GRIN2A: variants seen among roughly 807,000 people sequenced by gnomAD.
GRIN2A encodes glutamate receptor ionotropic, NMDA 2A.
GRIN2A carries 22 observed loss-of-function variants against 113.4 expected under a neutral mutation model. That is an observed-to-expected ratio of 0.19 (90% CI 0.14 to 0.28). GRIN2A has a LOEUF of 0.28. Among genes scored for constraint, GRIN2A ranks in the 10% least tolerant of loss-of-function variants. GRIN2A has a pLI of 1.00. For missense variants in GRIN2A, 1,502 were observed against 1,887.0 expected (o/e 0.80, Z 3.78); for synonymous variants, 827 against 738.4 (o/e 1.12, Z -1.94).
intron 2 of GRIN2A, among the ~76,000 whole-genome samples, chr16:10,068,608 C>CA (rs2047693261): frequency 6.6e-6 from 1 of 152,260 alleles, no homozygotes; most frequent in Non-Finnish European, 1.5e-5. Context: ...CACCAGGCCC[C>CA]ACCTCCAACA....
intron 2 of GRIN2A, among the ~76,000 whole-genome samples, chr16:10,019,718 G>C (rs768760414): frequency 1.3e-5 from 2 of 152,184 alleles, no homozygotes; most frequent in Non-Finnish European, 2.9e-5. Flanking sequence ...CGAGGGTTCA[G>C]GACTACCGGA....
At chr16:9,894,816 T>C (rs2043770823) in intron 3 of GRIN2A, among the ~76,000 whole-genome samples, 2 of 152,150 alleles carry the variant, frequency 1.3e-5, no homozygotes, top group South Asian at 4.1e-4. Context: ...AATCCACCCA[T>C]CCATACATTC....
At chr16:10,094,608 C>G (rs759538629) in intron 2 of GRIN2A, among the ~76,000 whole-genome samples, 1 of 152,046 alleles carries the variant, frequency 6.6e-6, no homozygotes, top group Non-Finnish European at 1.5e-5. Flanking sequence ...CACCACAATG[C>G]CTGGCTGATT....
Position 10,180,211 on chromosome 16 carries a change from C to T in GRIN2A, c.201G>A (p.Val67=). The T allele has an allele frequency of 6.2e-7, 1 of 1,614,164 alleles. No individual in the cohort carries two copies. The highest frequency in any genetic ancestry group is 8.5e-7 in the Non-Finnish European group (1 of 1,180,040). The change falls in exon 2 of 13, where the codon GTG becomes GTA. Residue 67 remains valine (V), a synonymous_variant. Transcript: ENST00000330684. This position sits in a 1 kb window ranked among gnomAD's most constrained non-coding sequence, Gnocchi z 7.0. ...PEQAAGLPLD[V]NVVALLMNRT... ...GGTTCATCAGCAGAGCTACCACGTT[C>T]ACGTCCAGGGGCAGCCCCGCCGCCT... is the stretch of plus-strand genomic sequence containing the variant.
intron 9 of GRIN2A, among the ~76,000 whole-genome samples, chr16:9,823,626 T>C (rs933921340): frequency 9.9e-5 from 15 of 152,202 alleles, no homozygotes; most frequent in African/African-American, 2.9e-4. Context: ...TCCAGCACTA[T>C]GCCAAGAACT....
chr16:9,831,885 T>A (rs1000322410), intron 8 of GRIN2A, among the ~76,000 whole-genome samples: 1 of 151,974 alleles, frequency 6.6e-6, no homozygotes, highest in African/African-American at 2.4e-5. Context: ...TCTGATTTCA[T>A]CTTATACTAT....
chr16:9,954,075 A>T (rs4782090), intron 2 of GRIN2A, among the ~76,000 whole-genome samples: 138,040 of 152,250 alleles, frequency 0.91, 63,187 homozygotes, highest in African/African-American at 0.98. Flanking sequence ...ATGTCCTCTA[A>T]GTCAATCCTT....
At chr16:10,172,295 G>A (rs907656288) in intron 2 of GRIN2A, among the ~76,000 whole-genome samples, 8 of 152,240 alleles carry the variant, frequency 5.3e-5, no homozygotes, top group African/African-American at 1.9e-4. Context: ...CATCATGGCT[G>A]CCTGGAGTAC....
chr16:10,023,684 G>A (rs1004548896), intron 2 of GRIN2A, among the ~76,000 whole-genome samples: 9 of 152,182 alleles, frequency 5.9e-5, no homozygotes, highest in African/African-American at 4.8e-5. Context: ...TTTTCAGTGC[G>A]TGTCGCTATA....
intron 10 of GRIN2A, among the ~76,000 whole-genome samples, chr16:9,812,674 CAATAA>C (rs2042109162): frequency 1.3e-5 from 2 of 151,862 alleles, no homozygotes; most frequent in Admixed American, 6.6e-5. Context: ...AAGAAATAAA[CAATAA>C]AATAAATAAA....
intron 10 of GRIN2A, among the ~76,000 whole-genome samples, chr16:9,817,748 AG>A (rs1347349171): frequency 6.6e-6 from 1 of 152,216 alleles, no homozygotes; most frequent in Non-Finnish European, 1.5e-5. Flanking sequence ...GGACTCTCCC[AG>A]AAAATTACAA....
intron 2 of GRIN2A, among the ~76,000 whole-genome samples, chr16:10,119,553 T>G (rs1040930103): frequency 1.3e-5 from 2 of 152,140 alleles, no homozygotes; most frequent in African/African-American, 4.8e-5. Context: ...AGCCCCGTGG[T>G]TCTCAACAGG....
At chr16:10,053,323 A>C (rs936397430) in intron 2 of GRIN2A, among the ~76,000 whole-genome samples, 3 of 152,246 alleles carry the variant, frequency 2.0e-5, no homozygotes, top group Admixed American at 1.3e-4. Context: ...AAGGAAGATA[A>C]TATATTTTGT....
chr16:9,931,728 T>C (rs1402154638), intron 3 of GRIN2A, among the ~76,000 whole-genome samples: 1 of 152,096 alleles, frequency 6.6e-6, no homozygotes, highest in African/African-American at 2.4e-5. Context: ...AAGAAACACA[T>C]ATATGCATGC....
At chr16:9,955,832 G>A (rs1008833231) in intron 2 of GRIN2A, among the ~76,000 whole-genome samples, 13 of 152,200 alleles carry the variant, frequency 8.5e-5, no homozygotes, top group African/African-American at 2.7e-4. Flanking sequence ...ACAGCATCGA[G>A]TAAGTCATTT....
intron 2 of GRIN2A, among the ~76,000 whole-genome samples, chr16:9,968,551 G>C (rs2141728267): frequency 6.6e-6 from 1 of 152,180 alleles, no homozygotes; most frequent in East Asian, 1.9e-4. Context: ...GACCTCAGGT[G>C]ATCCACCCAC....
intron 4 of GRIN2A, among the ~76,000 whole-genome samples, chr16:9,874,503 G>A (rs1463316498): frequency 2.0e-5 from 3 of 152,118 alleles, no homozygotes; most frequent in African/African-American, 7.2e-5. Flanking sequence ...GCCAACGCTG[G>A]GGGCACATCC....
At chr16:10,069,071 G>C (rs1398913972) in intron 2 of GRIN2A, among the ~76,000 whole-genome samples, 1 of 152,098 alleles carries the variant, frequency 6.6e-6, no homozygotes, top group African/African-American at 2.4e-5. Flanking sequence ...TAGCCACCAA[G>C]ATGTCATGAG....
intron 2 of GRIN2A, among the ~76,000 whole-genome samples, chr16:9,977,910 G>C (rs920884582): frequency 1.3e-5 from 2 of 152,092 alleles, no homozygotes; most frequent in African/African-American, 4.8e-5. Flanking sequence ...TTTTAATTAG[G>C]TCAACCCTGC....
Sources: allele counts gnomAD v4.1 joint callset (sites outside exome capture counted in the v4.1 genomes callset), GRCh38; gene constraint gnomAD v4.1.1; non-coding constraint Gnocchi (gnomAD v3.1); transcripts MANE v1.5; gene names NCBI Gene and HGNC (gene_info 2026-07-23, HGNC 2026-07-21).